The following RARB variants were observed in gnomAD, a reference collection of about 807,000 sequenced individuals.
The protein encoded by RARB is retinoic acid receptor beta.
RARB carries 17 observed loss-of-function variants against 51.9 expected under a neutral mutation model. The observed-to-expected ratio is 0.33, with a 90% CI of 0.22 to 0.49. The LOEUF (loss-of-function observed/expected upper bound fraction) is 0.49, where lower values mean the gene tolerates loss of function less well. Among genes scored for constraint, RARB ranks in the 20% least tolerant of loss-of-function variants. RARB has a pLI of 0.99. For missense variants in RARB, 369 were observed against 550.8 expected (o/e 0.67, Z 3.30); for synonymous variants, 215 against 195.4 (o/e 1.10, Z -0.84).
At chr3:25,388,932 G>A (rs1402641415) in intron 5 of RARB, among the ~76,000 whole-genome samples, 1 of 152,050 alleles carries the variant, frequency 6.6e-6, no homozygotes, top group Admixed American at 6.6e-5. Context: ...ATGATTTAGT[G>A]GTAGAAAATG....
At chr3:25,045,023 A>G (rs932194058) in intron 2 of RARB, among the ~76,000 whole-genome samples, 3 of 152,206 alleles carry the variant, frequency 2.0e-5, no homozygotes, top group African/African-American at 7.2e-5. Context: ...ACTATGACCA[A>G]TGACTTCTGA....
chr3:25,012,434 G>A (rs1464432414), intron 2 of RARB, among the ~76,000 whole-genome samples: 2 of 152,116 alleles, frequency 1.3e-5, no homozygotes, highest in African/African-American at 4.8e-5. Flanking sequence ...CAAGCTCCAT[G>A]TGCATCCAGA....
chr3:25,383,062 G>T (rs983849582), intron 5 of RARB, among the ~76,000 whole-genome samples: 1 of 152,140 alleles, frequency 6.6e-6, no homozygotes, highest in Non-Finnish European at 1.5e-5. Flanking sequence ...TGTCCCAAAG[G>T]TATGCTATTG....
intron 3 of RARB, among the ~76,000 whole-genome samples, chr3:25,109,786 A>G (rs1330244012): frequency 6.6e-6 from 1 of 152,106 alleles, no homozygotes. Flanking sequence ...TTTGTTTCAA[A>G]AGCAGCAGTT....
Position 25,297,227 on chromosome 3 carries a change from T to A in RARB, c.178+122652T>A, listed in dbSNP as rs564248028. Among the ~76,000 whole-genome samples, 4 of 152,198 alleles carry A rather than the reference T, an allele frequency of 2.6e-5. No homozygotes were observed. The South Asian group carries it at 8.3e-4, about 32-fold the overall frequency. On this transcript the variant is annotated intron_variant, in intron 5 of 11. Coordinates refer to the RARB transcript ENST00000383772. ...TATTCTCAAATGGTTAACAAATAAC[T>A]CAGGATAAAGTAAGGGAATTAAGGT... is the stretch of plus-strand genomic sequence containing the variant.
At chr3:24,912,021 G>A (rs11714001) in intron 2 of RARB, among the ~76,000 whole-genome samples, 11,033 of 152,254 alleles carry the variant, frequency 0.072, 482 homozygotes, top group East Asian at 0.14. Context: ...AAAAACATGA[G>A]CATGGGACCT....
intron 5 of RARB, among the ~76,000 whole-genome samples, chr3:25,314,704 TTTTA>T (rs577128920): frequency 1.3e-5 from 2 of 152,238 alleles, no homozygotes; most frequent in Non-Finnish European, 1.5e-5. Flanking sequence ...TACTTTCAAC[TTTTA>T]TTTTAGACTC....
intron 2 of RARB, among the ~76,000 whole-genome samples, chr3:25,011,240 T>C (rs1397544916): frequency 3.3e-5 from 5 of 152,030 alleles, no homozygotes; most frequent in African/African-American, 9.7e-5. Context: ...TGTAGTACCA[T>C]ATGGGATAGG....
intron 5 of RARB, among the ~76,000 whole-genome samples, chr3:25,175,000 G>A (rs1231594861): frequency 2.0e-5 from 3 of 152,152 alleles, no homozygotes; most frequent in Non-Finnish European, 4.4e-5. Flanking sequence ...CTTGTTTCCT[G>A]TGTACAAATG....
chr3:25,203,930 T>A (rs902298631), intron 5 of RARB, among the ~76,000 whole-genome samples: 1 of 152,066 alleles, frequency 6.6e-6, no homozygotes, highest in Non-Finnish European at 1.5e-5. Context: ...TCTTGAGGAG[T>A]ATCTTTGGGG....
intron 2 of RARB, among the ~76,000 whole-genome samples, chr3:24,969,529 CTG>C (rs1349948949): frequency 6.6e-6 from 1 of 152,084 alleles, no homozygotes; most frequent in Non-Finnish European, 1.5e-5. Flanking sequence ...AGCTCAATCT[CTG>C]TATAATTTTA....
chr3:25,069,814 CA>C (rs1220721097), intron 3 of RARB, among the ~76,000 whole-genome samples: 2 of 152,154 alleles, frequency 1.3e-5, no homozygotes, highest in African/African-American at 4.8e-5. Context: ...TGTTGAGACA[CA>C]AAATGAACAG....
intron 5 of RARB, among the ~76,000 whole-genome samples, chr3:25,214,788 G>C (rs1701781765): frequency 6.6e-6 from 1 of 152,182 alleles, no homozygotes; most frequent in Non-Finnish European, 1.5e-5. Flanking sequence ...GGATAACATT[G>C]CTGTTCCCAT....
intron 2 of RARB, among the ~76,000 whole-genome samples, chr3:25,030,576 C>G (rs903750947): frequency 2.0e-5 from 3 of 152,172 alleles, no homozygotes; most frequent in Non-Finnish European, 4.4e-5. Flanking sequence ...CATGCTTCTT[C>G]CTGGCAATTC....
Position 25,554,307 on chromosome 3 carries a change from G to A in RARB, c.449-15451G>A, listed in dbSNP as rs919569303. Among the ~76,000 whole-genome samples the A allele has an allele frequency of 5.3e-5, 8 of 151,808 alleles. No individual in the cohort carries two copies. The East Asian group carries it at 1.5e-3, about 29-fold the overall frequency. ...TTGTTAAATTTATTTTCTTCCCTAA[G>A]TTTGATTTATTGCACAAGCAACTTC... is the stretch of plus-strand genomic sequence containing the variant. On this transcript the variant is annotated intron_variant, in intron 3 of 7. Coordinates refer to ENST00000330688, the MANE Select transcript of RARB (RefSeq NM_000965.5).
intron 5 of RARB, among the ~76,000 whole-genome samples, chr3:25,200,276 C>A (rs1364422622): frequency 2.6e-5 from 4 of 151,254 alleles, no homozygotes; most frequent in Non-Finnish European, 5.9e-5. Context: ...ATCATTTGCC[C>A]ACTTTCTGGT....
At chr3:25,216,183 A>G (rs1010042884) in intron 5 of RARB, among the ~76,000 whole-genome samples, 8 of 152,186 alleles carry the variant, frequency 5.3e-5, no homozygotes, top group African/African-American at 9.6e-5. Flanking sequence ...CAGACAGCCA[A>G]TGGGCCCCCT....
chr3:25,445,714 A>G (rs1419168705), intron 1 of RARB, among the ~76,000 whole-genome samples: 2 of 152,206 alleles, frequency 1.3e-5, no homozygotes, highest in Non-Finnish European at 2.9e-5. Context: ...ATTGCCTCTC[A>G]AAGTCCACAG....
intron 2 of RARB, among the ~76,000 whole-genome samples, chr3:24,867,369 T>C (rs1232036720): frequency 6.6e-6 from 1 of 152,130 alleles, no homozygotes; most frequent in Non-Finnish European, 1.5e-5. Flanking sequence ...TTAAATGAGA[T>C]CTTTCACTGC....
Sources: allele counts gnomAD v4.1 joint callset (sites outside exome capture counted in the v4.1 genomes callset), GRCh38; gene constraint gnomAD v4.1.1; transcripts MANE v1.5; gene names NCBI Gene and HGNC (gene_info 2026-07-23, HGNC 2026-07-21).